LRMDA: variants seen among roughly 807,000 people sequenced by gnomAD.
LRMDA encodes leucine-rich melanocyte differentiation-associated protein.
LRMDA carries 18 observed loss-of-function variants against 29.8 expected under a neutral mutation model. That is an observed-to-expected ratio of 0.60 (90% CI 0.42 to 0.90). The LOEUF (loss-of-function observed/expected upper bound fraction) is 0.90, where lower values mean the gene tolerates loss of function less well. Ranked by LOEUF, LRMDA falls within the 40% of genes least tolerant of loss-of-function variation. The pLI, the probability that LRMDA is intolerant of heterozygous loss-of-function variation, is 0.00. For missense variants in LRMDA, 273 were observed against 273.9 expected, an observed-to-expected ratio of 1.00 and a Z score of 0.02; for synonymous variants, 125 against 109.4, an observed-to-expected ratio of 1.14 and a Z score of -0.89.
chr10:75,726,893 T>A lies in LRMDA; in HGVS notation c.131+288399T>A, dbSNP rs867167191. 2.6e-5 allele frequency among the ~76,000 whole-genome samples: 4 copies of A among 152,338 alleles called. No individual in the cohort carries two copies. In the Middle Eastern group the frequency reaches 0.01, roughly 389 times the overall value. Reference sequence around the variant, plus strand: ...CTCATGATCATTCTTCCTTTAGAGCTTGAGTTACTTTCAGATGTGGAGGAG... The same window carrying A: ...CTCATGATCATTCTTCCTTTAGAGCATGAGTTACTTTCAGATGTGGAGGAG... On this transcript the variant is annotated intron_variant, in intron 2 of 6. Transcript: ENST00000611255.
chr10:75,917,026 C>T (rs998430912), intron 2 of LRMDA, among the ~76,000 whole-genome samples: 3 of 152,142 alleles, frequency 2.0e-5, no homozygotes, highest in African/African-American at 7.2e-5. Flanking sequence ...GCGAGTCTTT[C>T]TGTGTTACAG....
intron 2 of LRMDA, among the ~76,000 whole-genome samples, chr10:75,445,742 A>G (rs1307185924): frequency 2.0e-5 from 3 of 152,250 alleles, no homozygotes; most frequent in Admixed American, 6.5e-5. Context: ...TGAACACAGC[A>G]GGCAGAGCAG....
intron 6 of LRMDA, among the ~76,000 whole-genome samples, chr10:76,515,577 T>G (rs7899597): frequency 6.6e-6 from 1 of 152,086 alleles, no homozygotes; most frequent in Non-Finnish European, 1.5e-5. Flanking sequence ...ATGATCTTGG[T>G]TTACTGCAAC....
At chr10:75,779,133 A>C (rs1448464944) in intron 2 of LRMDA, among the ~76,000 whole-genome samples, 1 of 152,162 alleles carries the variant, frequency 6.6e-6, no homozygotes, top group Non-Finnish European at 1.5e-5. Flanking sequence ...GAGCTGAGAA[A>C]TTTTTACACA....
chr10:76,117,451 G>A (rs1209165388), intron 5 of LRMDA, among the ~76,000 whole-genome samples: 1 of 152,190 alleles, frequency 6.6e-6, no homozygotes, highest in East Asian at 1.9e-4. Flanking sequence ...TCCCAGAGTA[G>A]AGTCCCCATG....
At chr10:76,306,141 CAG>C (rs1378469933) in intron 5 of LRMDA, among the ~76,000 whole-genome samples, 1 of 152,184 alleles carries the variant, frequency 6.6e-6, no homozygotes, top group Non-Finnish European at 1.5e-5. Flanking sequence ...GTTTGGAACT[CAG>C]AGTTTTTTTA....
chr10:75,640,807 C>G (rs1171052258), intron 2 of LRMDA, among the ~76,000 whole-genome samples: 2 of 152,116 alleles, frequency 1.3e-5, no homozygotes, highest in African/African-American at 2.4e-5. Context: ...AACAAAAACC[C>G]TTCAAGTGAT....
intron 5 of LRMDA, among the ~76,000 whole-genome samples, chr10:76,324,050 C>T (rs1170292532): frequency 1.3e-5 from 2 of 152,160 alleles, no homozygotes; most frequent in African/African-American, 4.8e-5. Flanking sequence ...TCATAGCCAG[C>T]CTTTACTTTG....
chr10:76,119,918 T>C (rs918947360), intron 5 of LRMDA, among the ~76,000 whole-genome samples: 3 of 152,216 alleles, frequency 2.0e-5, no homozygotes, highest in African/African-American at 7.2e-5. Context: ...AAATGCCATA[T>C]CTTATGTTAC....
intron 5 of LRMDA, among the ~76,000 whole-genome samples, chr10:76,238,910 A>G (rs765829264): frequency 2.2e-4 from 33 of 152,298 alleles, no homozygotes; most frequent in Non-Finnish European, 3.2e-4. Flanking sequence ...TCATAAACAC[A>G]GAAACACAGA....
intron 2 of LRMDA, among the ~76,000 whole-genome samples, chr10:76,029,790 G>A (rs1406471642): frequency 6.6e-6 from 1 of 152,170 alleles, no homozygotes; most frequent in Non-Finnish European, 1.5e-5. Flanking sequence ...TCTCAGATGA[G>A]TGTTGAATTT....
intron 5 of LRMDA, among the ~76,000 whole-genome samples, chr10:76,292,368 C>T (rs569078036): frequency 6.6e-6 from 1 of 152,090 alleles, no homozygotes; most frequent in Non-Finnish European, 1.5e-5. Flanking sequence ...TGGGTGGTGA[C>T]GGAGCAGAGC....
At chr10:76,268,335 C>A (rs139451715) in intron 5 of LRMDA, among the ~76,000 whole-genome samples, 1 of 152,316 alleles carries the variant, frequency 6.6e-6, no homozygotes, top group South Asian at 2.1e-4. Flanking sequence ...TCCTGTTGCT[C>A]ATTCCTGGAT....
chr10:75,771,416 C>T (rs1365393942), intron 2 of LRMDA, among the ~76,000 whole-genome samples: 1 of 152,072 alleles, frequency 6.6e-6, no homozygotes, highest in Non-Finnish European at 1.5e-5. Flanking sequence ...TGCTGAGGCG[C>T]GTGAATCAGA....
At chr10:76,463,979 C>T (rs868782101) in intron 6 of LRMDA, among the ~76,000 whole-genome samples, 3 of 140,974 alleles carry the variant, frequency 2.1e-5, no homozygotes, top group African/African-American at 8.0e-5. Context: ...CATGCATTGG[C>T]GTGATCTCGG....
intron 2 of LRMDA, among the ~76,000 whole-genome samples, chr10:75,799,821 G>T (rs1843717896): frequency 6.6e-6 from 1 of 151,576 alleles, no homozygotes; most frequent in Non-Finnish European, 1.5e-5. Context: ...AAAACTTTTT[G>T]ATCAGCATGT....
intron 6 of LRMDA, among the ~76,000 whole-genome samples, chr10:76,456,185 TTATGGTTTGAGCAAGGGCCTGGCTTC>T (rs1436071838): frequency 2.6e-5 from 4 of 152,180 alleles, no homozygotes; most frequent in Non-Finnish European, 5.9e-5. Context: ...AATTTCAGCA[TTATGGTTTGAGCAAGGGCCTGGCTTC>T]TAGAGTGGGG....
intron 2 of LRMDA, among the ~76,000 whole-genome samples, chr10:75,569,786 G>A (rs1840415374): frequency 6.6e-6 from 1 of 152,216 alleles, no homozygotes; most frequent in Admixed American, 6.5e-5. Context: ...TCAAGGTGCT[G>A]CAAAAGTTAC....
rs116690350 is a variant in LRMDA, at chr10:76,075,721, A to G, written c.516+16938A>G. Among the ~76,000 whole-genome samples the G allele has an allele frequency of 4.2e-3, 635 of 152,310 alleles. 1 individual carries two copies. The highest frequency in any genetic ancestry group is 0.015 in the African/African-American group (610 of 41,580). On this transcript the variant is annotated intron_variant, in intron 5 of 6. Transcript: ENST00000611255. ...ATCTGTAAAATGGGTACAGTGATGC[A>G]GATGAACTCTGAGGGTCTCCCTATG... is the stretch of plus-strand genomic sequence containing the variant.
Sources: gnomAD v4.1 joint callset for allele counts (sites outside exome capture counted in the v4.1 genomes callset) on GRCh38, gnomAD v4.1.1 for gene constraint, MANE v1.5 for transcripts, NCBI Gene and HGNC (gene_info 2026-07-23, HGNC 2026-07-21) for gene names.